SATB1: variants seen among roughly 807,000 people sequenced by gnomAD.
The protein encoded by SATB1 is SATB homeobox 1.
A neutral mutation model predicts 86.9 loss-of-function variants in SATB1; 11 were observed. The ratio of observed to expected loss-of-function variants is 0.13; its 90% CI spans 0.08 to 0.21. The LOEUF is 0.21. Among genes scored for constraint, SATB1 ranks in the 10% least tolerant of loss-of-function variants. The pLI is 1.00. For synonymous variants in SATB1, 357 were observed against 357.2 expected (o/e 1.00, Z 0.01); for missense variants, 551 against 937.6 (o/e 0.59, Z 5.39).
rs149133515 is a variant in SATB1, at chr3:18,372,788, T to C, written c.1575+5382A>G. Among the ~76,000 whole-genome samples the C allele has an allele frequency of 3.7e-3, 556 of 152,322 alleles. 5 individuals are homozygous for C. Among genetic ancestry groups the C allele is most frequent in the African/African-American group, 0.012 (491 of 41,556 alleles). Reference sequence around the variant, plus strand: ...GCATTCAACTAGAAATATAAAAATATATCAACGTTTTAGAAAATTGAATCC... The same window carrying C: ...GCATTCAACTAGAAATATAAAAATACATCAACGTTTTAGAAAATTGAATCC... On this transcript the variant is annotated intron_variant, in intron 9 of 10. Coordinates refer to ENST00000338745, the MANE Select transcript of SATB1 (RefSeq NM_002971.6).
chr3:18,438,102 T>C (rs999790598), intron 1 of SATB1, among the ~76,000 whole-genome samples: 1 of 152,174 alleles, frequency 6.6e-6, no homozygotes, highest in African/African-American at 2.4e-5. Flanking sequence ...TAATAATTAT[T>C]ACAATAAAAT....
At chr3:18,421,561 T>G (rs1052093302) in intron 1 of SATB1, among the ~76,000 whole-genome samples, 5 of 152,138 alleles carry the variant, frequency 3.3e-5, no homozygotes, top group Non-Finnish European at 4.4e-5. Context: ...CTTTTGTAAA[T>G]TAATGCATAG....
chr3:18,399,286 T>C (rs1365414803), intron 5 of SATB1, among the ~76,000 whole-genome samples: 3 of 152,178 alleles, frequency 2.0e-5, no homozygotes, highest in Non-Finnish European at 2.9e-5. Flanking sequence ...GTAGTAAGGA[T>C]GCAAAGATGG....
chr3:18,413,730 G>C (rs1697984298), intron 5 of SATB1, among the ~76,000 whole-genome samples: 1 of 152,074 alleles, frequency 6.6e-6, no homozygotes. Flanking sequence ...TGACAAATAA[G>C]AGTTTTCTCT....
Position 18,423,765 on chromosome 3 carries a change from A to G in SATB1, c.-163T>C, listed in dbSNP as rs1198658892. 1 of 150,028 alleles carries G rather than the reference A, an allele frequency of 6.7e-6. No homozygotes were observed. Among genetic ancestry groups the G allele is most frequent in the Non-Finnish European group, 1.5e-5 (1 of 67,590 alleles). The allele number at this position is 150,028 out of a possible 1,614,324, so 9.3% of individuals were successfully genotyped here. On this transcript the variant is annotated 5_prime_UTR_variant, in exon 1 of 11. Coordinates refer to ENST00000338745, the MANE Select transcript of SATB1 (RefSeq NM_002971.6). ...ATTAAAAAAAAAAAAATAAAAAAGC[A>G]GCAGACCTGAAGGCGACTTCCCCTG...
chr3:18,439,567 A>G (rs1365562887), upstream of SATB1, among the ~76,000 whole-genome samples: 1 of 152,230 alleles, frequency 6.6e-6, no homozygotes. Context: ...AACAGCATTT[A>G]GGAACGATAT....
At chr3:18,401,402 A>C (rs1371892045) in intron 5 of SATB1, among the ~76,000 whole-genome samples, 1 of 151,970 alleles carries the variant, frequency 6.6e-6, no homozygotes, top group Non-Finnish European at 1.5e-5. Flanking sequence ...ATCCCTTCCC[A>C]GGTTTTTCAA....
intron 7 of SATB1, among the ~76,000 whole-genome samples, chr3:18,393,692 A>G (rs1368755095): frequency 6.6e-6 from 1 of 152,184 alleles, no homozygotes. Flanking sequence ...CCTGTTTTAT[A>G]AATAGTTTTA....
chr3:18,376,763 C>T (rs1035060493), intron 9 of SATB1, among the ~76,000 whole-genome samples: 1 of 152,128 alleles, frequency 6.6e-6, no homozygotes, highest in Non-Finnish European at 1.5e-5. Context: ...AGCCATGATT[C>T]ATGACAGAAT....
Position 18,349,133 on chromosome 3 carries a change from A to G in SATB1, c.*37T>C, listed in dbSNP as rs768919963. On this transcript the variant is annotated 3_prime_UTR_variant, in exon 11 of 11. Transcript: ENST00000338745. The surrounding 1 kb of genome is among the most constrained non-coding windows in gnomAD (Gnocchi z 5.5). Reference sequence around the variant, plus strand: ...TGGACTTTTCATTTTGTTAGTAAATACCAGTGGCACTGTTGAACGAAACAA... The same window carrying G: ...TGGACTTTTCATTTTGTTAGTAAATGCCAGTGGCACTGTTGAACGAAACAA... The G allele has an allele frequency of 6.3e-7, 1 of 1,592,116 alleles. No individual in the cohort carries two copies. Among genetic ancestry groups the G allele is most frequent in the Non-Finnish European group, 8.6e-7 (1 of 1,168,152 alleles).
intron 9 of SATB1, among the ~76,000 whole-genome samples, chr3:18,363,105 GA>G (rs1394537150): frequency 1.3e-5 from 2 of 151,994 alleles, no homozygotes; most frequent in Non-Finnish European, 2.9e-5. Flanking sequence ...TAGGGACTGG[GA>G]ATTAAAAATT....
At chr3:18,403,429 A>T (rs568001947) in intron 5 of SATB1, among the ~76,000 whole-genome samples, 7 of 152,186 alleles carry the variant, frequency 4.6e-5, no homozygotes, top group Non-Finnish European at 1.0e-4. Context: ...TTTCTGTAGG[A>T]AGGAATGTAT....
chr3:18,362,421 C>A (rs1030930537), intron 9 of SATB1, among the ~76,000 whole-genome samples: 1 of 151,908 alleles, frequency 6.6e-6, no homozygotes, highest in Admixed American at 6.6e-5. Context: ...TGCGGGTACA[C>A]AGAAAGATAC....
intron 2 of SATB1, chr3:18,417,457 C>A: frequency 1.7e-6 from 1 of 587,324 alleles, no homozygotes; most frequent in Non-Finnish European, 3.0e-6. Context: ...ACATAACTCA[C>A]CATTTATCTT....
intron 5 of SATB1, among the ~76,000 whole-genome samples, chr3:18,403,147 T>C (rs1469587396): frequency 6.6e-6 from 1 of 152,244 alleles, no homozygotes; most frequent in South Asian, 2.1e-4. Context: ...AATGATTCTT[T>C]TAACAAAGTC....
chr3:18,362,420 A>G (rs976278789), intron 9 of SATB1, among the ~76,000 whole-genome samples: 3 of 152,108 alleles, frequency 2.0e-5, no homozygotes, highest in Non-Finnish European at 4.4e-5. Context: ...ATGCGGGTAC[A>G]CAGAAAGATA....
At chr3:18,411,967 A>C (rs924494323) in intron 5 of SATB1, among the ~76,000 whole-genome samples, 1 of 152,120 alleles carries the variant, frequency 6.6e-6, no homozygotes, top group South Asian at 2.1e-4. Context: ...TTGTACCCAA[A>C]TGTAAGTATT....
At chr3:18,387,463 G>C (rs1350539041) in intron 7 of SATB1, among the ~76,000 whole-genome samples, 1 of 152,006 alleles carries the variant, frequency 6.6e-6, no homozygotes, top group East Asian at 1.9e-4. Context: ...AAACTCTTAA[G>C]GTGTCTTTCC....
chr3:18,351,904 G>C, intron 10 of SATB1, 88 bp downstream of exon 10: 2 of 1,260,660 alleles, frequency 1.6e-6, no homozygotes, highest in Non-Finnish European at 1.2e-6. Flanking sequence ...TGGTTAGACT[G>C]GCAGGAGGAA....
Sources: gnomAD v4.1 joint callset for allele counts (sites outside exome capture counted in the v4.1 genomes callset) on GRCh38, gnomAD v4.1.1 for gene constraint, Gnocchi (gnomAD v3.1) non-coding constraint, MANE v1.5 for transcripts, NCBI Gene and HGNC (gene_info 2026-07-23, HGNC 2026-07-21) for gene names.